Variants in ATP6V0E1 observed in about 807,000 individuals in gnomAD.
ATP6V0E1 encodes the protein ATPase H+ transporting V0 subunit e1, also known as V-type proton ATPase subunit e 1.
ATP6V0E1 carries 4 observed loss-of-function variants against 11.6 expected under a neutral mutation model. That is an observed-to-expected ratio of 0.35 (90% CI 0.17 to 0.79). ATP6V0E1 has a LOEUF of 0.79. Among genes scored for constraint, ATP6V0E1 ranks in the 30% least tolerant of loss-of-function variants. ATP6V0E1 has a pLI of 0.54. For missense variants in ATP6V0E1, 105 were observed against 100.0 expected (o/e 1.05, Z -0.21); for synonymous variants, 36 against 34.8 (o/e 1.04, Z -0.13).
chr5:172,995,345 G>T (rs375041982), intron 2 of ATP6V0E1, among the ~76,000 whole-genome samples: 90 of 152,196 alleles, frequency 5.9e-4, no homozygotes, highest in African/African-American at 2.0e-3. Context: ...CAAGTGATCC[G>T]CCTGCCTTAG....
intron 2 of ATP6V0E1, among the ~76,000 whole-genome samples, chr5:173,014,192 A>T (rs1756370704): frequency 1.3e-5 from 2 of 151,914 alleles, no homozygotes; most frequent in African/African-American, 4.8e-5. Flanking sequence ...CCAAAAAATA[A>T]CAGATGCCAG....
chr5:173,033,610 G>C (rs1192283312), intron 3 of ATP6V0E1, among the ~76,000 whole-genome samples: 1 of 152,064 alleles, frequency 6.6e-6, no homozygotes, highest in Non-Finnish European at 1.5e-5. Flanking sequence ...TGGGAGGCGA[G>C]GATGGGCACA....
At chr5:172,991,687 CAG>C (rs1755979077) in intron 1 of ATP6V0E1, among the ~76,000 whole-genome samples, 1 of 152,152 alleles carries the variant, frequency 6.6e-6, no homozygotes, top group Admixed American at 6.5e-5. Context: ...GTGCAACTGT[CAG>C]AATTTCTTTA....
chr5:173,021,815 G>A (rs1756490026), intron 3 of ATP6V0E1, among the ~76,000 whole-genome samples: 1 of 152,206 alleles, frequency 6.6e-6, no homozygotes, highest in Admixed American at 6.5e-5. Flanking sequence ...TTGGGAGGCT[G>A]AGGCAGGTGG....
chr5:173,033,156 G>A (rs1251214885), intron 3 of ATP6V0E1, among the ~76,000 whole-genome samples: 1 of 152,192 alleles, frequency 6.6e-6, no homozygotes, highest in Non-Finnish European at 1.5e-5. Context: ...CTGGGGTGCA[G>A]AATGGCATGA....
intron 3 of ATP6V0E1, among the ~76,000 whole-genome samples, chr5:173,025,143 C>CTTTT (rs539174415): frequency 2.9e-5 from 3 of 103,140 alleles, no homozygotes; most frequent in South Asian, 3.1e-4. Context: ...GCCTGGCATT[C>CTTTT]TTTTTTTTTT....
intron 2 of ATP6V0E1, among the ~76,000 whole-genome samples, chr5:173,000,295 TG>T (rs1055125294): frequency 3.9e-5 from 6 of 152,212 alleles, no homozygotes; most frequent in African/African-American, 1.4e-4. Context: ...ATGTTATATC[TG>T]GTTCCCTCTT....
chr5:173,009,953 G>A (rs899016392), intron 2 of ATP6V0E1, among the ~76,000 whole-genome samples: 11 of 151,656 alleles, frequency 7.3e-5, no homozygotes, highest in Admixed American at 5.3e-4. Context: ...TAGTAGAGAC[G>A]GGGTTTCACC....
chr5:172,992,280 T>C (rs1227890639), intron 1 of ATP6V0E1, among the ~76,000 whole-genome samples: 1 of 152,216 alleles, frequency 6.6e-6, no homozygotes, highest in Non-Finnish European at 1.5e-5. Context: ...CTCGATCTCT[T>C]GACCTCGTGA....
At chr5:173,020,812 T>C (rs1358858387) in intron 3 of ATP6V0E1, 1 of 519,638 alleles carries the variant, frequency 1.9e-6, no homozygotes, top group East Asian at 5.4e-5. Flanking sequence ...CTTCATCCGG[T>C]TGCCTGCGCC....
chr5:173,023,598 A>G (rs1756515477), intron 3 of ATP6V0E1, among the ~76,000 whole-genome samples: 1 of 152,216 alleles, frequency 6.6e-6, no homozygotes, highest in Non-Finnish European at 1.5e-5. Flanking sequence ...TAATCCCACT[A>G]CTTTGGGATG....
At chr5:173,032,283 T>G (rs1348318955) in intron 3 of ATP6V0E1, among the ~76,000 whole-genome samples, 3 of 149,830 alleles carry the variant, frequency 2.0e-5, no homozygotes, top group Non-Finnish European at 3.0e-5. Flanking sequence ...ATTTATTTAT[T>G]TATTTATTTA....
chr5:172,998,190 C>CTTTTTTTTTTT (rs999790390), intron 2 of ATP6V0E1, among the ~76,000 whole-genome samples: 2 of 104,892 alleles, frequency 1.9e-5, no homozygotes, highest in African/African-American at 3.8e-5. Context: ...AAAATTTAGT[C>CTTTTTTTTTTT]TTTTTTTTTT....
At chr5:172,987,314 C>T (rs558643851) in intron 1 of ATP6V0E1, 61 of 150,370 alleles carry the variant, frequency 4.1e-4, no homozygotes, top group Non-Finnish European at 4.7e-4. Flanking sequence ...GATGGACTCT[C>T]ACTCTTTTGT....
chr5:173,011,279 G>T (rs930988483), intron 2 of ATP6V0E1, among the ~76,000 whole-genome samples: 1 of 149,794 alleles, frequency 6.7e-6, no homozygotes, highest in African/African-American at 2.5e-5. Context: ...CCTCCGGCCA[G>T]TGATCCTCCC....
rs112921102 is a variant in ATP6V0E1 at position 172,988,940 on chromosome 5, C to T, written c.104+4976C>T. ...TTGGCCTCAAGTGATCCTCTCGCCT[C>T]GGCCTCCCAATGTGTTGGGATAACA... On this transcript the variant is annotated intron_variant, in intron 1 of 3. Coordinates refer to ENST00000519374, the MANE Select transcript of ATP6V0E1 (RefSeq NM_003945.4). Among the ~76,000 whole-genome samples, 475 of 152,292 alleles carry T rather than the reference C, an allele frequency of 3.1e-3. 1 individual carries two copies. The highest frequency in any genetic ancestry group is 0.011 in the African/African-American group (457 of 41,562).
At position 173,010,778 on chromosome 5, in the gene ATP6V0E1, C is replaced by G. The variant is rs547959715; in HGVS notation, c.153-9460C>G. On this transcript the variant is annotated intron_variant, in intron 2 of 3. Coordinates refer to ENST00000519374, the MANE Select transcript of ATP6V0E1 (RefSeq NM_003945.4). ...GAGGTCCTGGCCAGACTTCCCCATT[C>G]CAGTAGGGAAGCTGAGACTGCTCCA... is the stretch of plus-strand genomic sequence containing the variant. Among the ~76,000 whole-genome samples, 9 of 152,304 alleles carry G rather than the reference C, an allele frequency of 5.9e-5. No individual in the cohort carries two copies. In the South Asian group the frequency reaches 1.9e-3, roughly 32 times the overall value.
At chr5:172,991,094 T>C (rs1032729829) in intron 1 of ATP6V0E1, among the ~76,000 whole-genome samples, 7 of 152,128 alleles carry the variant, frequency 4.6e-5, no homozygotes, top group Admixed American at 1.3e-4. Context: ...GCTGGGACTA[T>C]AGGCATGCTA....
chr5:172,998,034 G>A (rs1023852288), intron 2 of ATP6V0E1, among the ~76,000 whole-genome samples: 11 of 151,934 alleles, frequency 7.2e-5, no homozygotes, highest in Non-Finnish European at 1.2e-4. Context: ...ACCTGAGCCC[G>A]GGGAAGTCAA....
Sources: gnomAD v4.1 joint callset for allele counts (sites outside exome capture counted in the v4.1 genomes callset) on GRCh38, gnomAD v4.1.1 for gene constraint, MANE v1.5 for transcripts, NCBI Gene and HGNC (gene_info 2026-07-23, HGNC 2026-07-21) for gene names.